BANK1: variants seen among roughly 807,000 people sequenced by gnomAD.
BANK1 encodes B-cell scaffold protein with ankyrin repeats.
A neutral mutation model predicts 94.5 loss-of-function variants in BANK1; 95 were observed. The ratio of observed to expected loss-of-function variants is 1.00; its 90% CI spans 0.85 to 1.19. The LOEUF (loss-of-function observed/expected upper bound fraction) is 1.19, where lower values mean the gene tolerates loss of function less well. BANK1 is among the 50% of genes most tolerant of loss of function. The pLI is 0.00. For synonymous variants in BANK1, 334 were observed against 308.4 expected, an observed-to-expected ratio of 1.08 and a Z score of -0.87; for missense variants, 987 against 932.2, an observed-to-expected ratio of 1.06 and a Z score of -0.77.
intron 9 of BANK1, 89 bp downstream of exon 9, chr4:102,025,598 C>G: frequency 1.6e-6 from 2 of 1,215,252 alleles, no homozygotes; most frequent in Non-Finnish European, 2.3e-6. Flanking sequence ...CAAATCTATA[C>G]AGAGCAGATC....
At chr4:101,962,979 AT>A (rs1476848180) in intron 7 of BANK1, among the ~76,000 whole-genome samples, 1 of 152,088 alleles carries the variant, frequency 6.6e-6, no homozygotes, top group African/African-American at 2.4e-5. Flanking sequence ...AAATGTACAA[AT>A]TTGCTCTTGT....
At chr4:101,984,223 A>C (rs528025323) in intron 7 of BANK1, among the ~76,000 whole-genome samples, 7 of 152,094 alleles carry the variant, frequency 4.6e-5, no homozygotes, top group Non-Finnish European at 8.8e-5. Flanking sequence ...AGGAATGAAA[A>C]GTTAAGAAAC....
At chr4:101,820,786 TC>T (rs1175057771) in intron 1 of BANK1, among the ~76,000 whole-genome samples, 1 of 152,156 alleles carries the variant, frequency 6.6e-6, no homozygotes, top group East Asian at 1.9e-4. Context: ...TCATTCATGT[TC>T]CCACAAGACG....
intron 7 of BANK1, among the ~76,000 whole-genome samples, chr4:102,004,866 C>A (rs1309343210): frequency 6.6e-6 from 1 of 152,026 alleles, no homozygotes; most frequent in Non-Finnish European, 1.5e-5. Flanking sequence ...TTATATGAAT[C>A]CCTGTGACAA....
At chr4:101,888,669 A>G (rs1173459959) in intron 5 of BANK1, among the ~76,000 whole-genome samples, 1 of 152,224 alleles carries the variant, frequency 6.6e-6, no homozygotes, top group Non-Finnish European at 1.5e-5. Flanking sequence ...TATCACCTCT[A>G]TAAAAGTAGA....
Position 101,930,502 on chromosome 4 carries a change from T to C in BANK1, c.1206+12313T>C, listed in dbSNP as rs116111476. On this transcript the variant is annotated intron_variant, in intron 7 of 16. Transcript: ENST00000322953. ...ATCTGTCCTTCTTCAAAATTCTAAC[T>C]TTACCCCCATAGCCATTCGCCAGTG... Among the ~76,000 whole-genome samples, 136 of 151,492 alleles carry C rather than the reference T, an allele frequency of 9.0e-4. 1 individual carries two copies. The highest frequency in any genetic ancestry group is 3.1e-3 in the African/African-American group (129 of 41,420).
intron 6 of BANK1, among the ~76,000 whole-genome samples, chr4:101,913,617 A>G (rs1365201808): frequency 6.6e-6 from 1 of 152,106 alleles, no homozygotes; most frequent in Non-Finnish European, 1.5e-5. Context: ...AAGGCACTTC[A>G]TAGTGTGTCC....
At chr4:101,990,749 T>C (rs1450572431) in intron 7 of BANK1, among the ~76,000 whole-genome samples, 2 of 152,176 alleles carry the variant, frequency 1.3e-5, no homozygotes, top group Non-Finnish European at 2.9e-5. Context: ...GAATGCAATA[T>C]ATTTTGAAAC....
intron 2 of BANK1, among the ~76,000 whole-genome samples, chr4:101,845,715 G>A (rs1483382463): frequency 6.6e-6 from 1 of 152,168 alleles, no homozygotes; most frequent in Non-Finnish European, 1.5e-5. Context: ...TAAGCATACT[G>A]ACTTACTCAT....
intron 5 of BANK1, among the ~76,000 whole-genome samples, chr4:101,893,398 G>A (rs1356357517): frequency 6.6e-6 from 1 of 151,866 alleles, no homozygotes; most frequent in South Asian, 2.1e-4. Context: ...ACTAGATTTT[G>A]TATATTTTTA....
chr4:101,855,023 A>C lies in BANK1; in HGVS notation c.470-12A>C. 6.3e-7 allele frequency: 1 copy of C among 1,592,274 alleles called. No individual in the cohort carries two copies. The highest frequency in any genetic ancestry group is 8.6e-7 in the Non-Finnish European group (1 of 1,164,216). On this transcript the variant is annotated splice_polypyrimidine_tract_variant and intron_variant, in intron 2 of 16. Transcript: ENST00000322953. ...GTTATATTATAATCTACATTCATAA[A>C]ATTTTCTCTAGATTCTGAAGACTAC...
chr4:101,986,360 G>T (rs1361011225), intron 7 of BANK1, among the ~76,000 whole-genome samples: 1 of 151,976 alleles, frequency 6.6e-6, no homozygotes, highest in Non-Finnish European at 1.5e-5. Context: ...AGCAAACCAG[G>T]TTGCTCACTG....
At chr4:101,940,930 C>T (rs1025054478) in intron 7 of BANK1, among the ~76,000 whole-genome samples, 2 of 151,748 alleles carry the variant, frequency 1.3e-5, no homozygotes, top group African/African-American at 4.8e-5. Flanking sequence ...GCACAATCCA[C>T]ACTTAGGGAG....
chr4:101,995,035 G>A (rs1240734212), intron 7 of BANK1, among the ~76,000 whole-genome samples: 1 of 152,048 alleles, frequency 6.6e-6, no homozygotes, highest in African/African-American at 2.4e-5. Context: ...TGCCATGGTG[G>A]TTTGCTGCAC....
Position 102,007,138 on chromosome 4 carries a change from A to ATATAAAAT in BANK1, c.1207-14376_1207-14375insTATAAAAT, listed in dbSNP as rs1560682246. On this transcript the variant is annotated intron_variant, in intron 7 of 16. Coordinates refer to ENST00000322953, the MANE Select transcript of BANK1 (RefSeq NM_017935.5). Reference sequence around the variant, plus strand: ...ATATATATTTTATATATATATAAAAAATATATTTTATATATATATATATAT... The same window carrying ATATAAAAT: ...ATATATATTTTATATATATATAAAAATATAAAATATATATTTTATATATATATATATAT... Among the ~76,000 whole-genome samples, 118 of 31,270 alleles carry ATATAAAAT rather than the reference A, an allele frequency of 3.8e-3. 2 individuals carry two copies. Among genetic ancestry groups the ATATAAAAT allele is most frequent in the African/African-American group, 0.013 (112 of 8,328 alleles). 20.5% of individuals were successfully genotyped at this position (31,270 alleles called of 152,430 possible).
intron 7 of BANK1, among the ~76,000 whole-genome samples, chr4:101,919,844 C>T (rs765659260): frequency 3.3e-5 from 5 of 151,870 alleles, no homozygotes; most frequent in Non-Finnish European, 5.9e-5. Context: ...GTTTTCATGA[C>T]CATGGATAAT....
At chr4:102,073,811 G>T in intron 16 of BANK1, 63 bp downstream of exon 16, 2 of 1,293,958 alleles carry the variant, frequency 1.5e-6, no homozygotes, top group Non-Finnish European at 2.2e-6. Flanking sequence ...GGACTTGAAG[G>T]TATCATTTGT....
intron 7 of BANK1, among the ~76,000 whole-genome samples, chr4:101,937,566 C>A (rs1179128438): frequency 6.6e-6 from 1 of 151,738 alleles, no homozygotes; most frequent in Non-Finnish European, 1.5e-5. Context: ...GTTAGAATGG[C>A]TATCATTAAA....
chr4:101,826,044 T>G (rs906842052), intron 1 of BANK1, among the ~76,000 whole-genome samples: 2 of 152,030 alleles, frequency 1.3e-5, no homozygotes, highest in African/African-American at 4.8e-5. Flanking sequence ...ATTCTACAAT[T>G]TTCTTGATTT....
Sources: allele counts gnomAD v4.1 joint callset (sites outside exome capture counted in the v4.1 genomes callset), GRCh38; gene constraint gnomAD v4.1.1; transcripts MANE v1.5; gene names NCBI Gene and HGNC (gene_info 2026-07-23, HGNC 2026-07-21).